The following ADCY5 variants were observed in gnomAD, a reference collection of about 807,000 sequenced individuals.
ADCY5 encodes adenylate cyclase 5, also known as adenylate cyclase type 5.
Under a neutral mutation model 119.7 loss-of-function variants are expected in ADCY5, and 30 were observed. That is an observed-to-expected ratio of 0.25 (90% CI 0.19 to 0.34). ADCY5 has a LOEUF of 0.34. ADCY5 is among the 10% of genes least tolerant of loss of function. The pLI is 1.00. For synonymous variants in ADCY5, 753 were observed against 762.2 expected (o/e 0.99, Z 0.20); for missense variants, 1,324 against 1,775.2 (o/e 0.75, Z 4.57).
intron 2 of ADCY5, 44 bp from the exon 3 acceptor site, chr3:123,347,947 G>A: frequency 6.2e-7 from 1 of 1,610,452 alleles, no homozygotes; most frequent in African/African-American, 1.3e-5. Context: ...CCTTCTACCT[G>A]CCTGGCAAGT....
At chr3:123,288,144 C>A (rs1211618751) in intron 19 of ADCY5, among the ~76,000 whole-genome samples, 2 of 152,234 alleles carry the variant, frequency 1.3e-5, no homozygotes, top group African/African-American at 2.4e-5. Flanking sequence ...GCCCACAAAG[C>A]ACTGTGCCTA....
At chr3:123,353,346 C>CA (rs1400084713) in intron 1 of ADCY5, among the ~76,000 whole-genome samples, 1 of 152,198 alleles carries the variant, frequency 6.6e-6, no homozygotes, top group East Asian at 1.9e-4. Context: ...CACAATACAA[C>CA]ACGACACGGA....
intron 3 of ADCY5, among the ~76,000 whole-genome samples, chr3:123,335,922 G>T (rs1166477197): frequency 6.6e-6 from 1 of 152,208 alleles, no homozygotes; most frequent in Non-Finnish European, 1.5e-5. Flanking sequence ...GAGAAATGGG[G>T]ACAGGGACAA....
At chr3:123,393,214 G>C (rs888312686) in intron 1 of ADCY5, among the ~76,000 whole-genome samples, 3 of 152,098 alleles carry the variant, frequency 2.0e-5, no homozygotes, top group African/African-American at 7.2e-5. Context: ...CTGCAGCCTT[G>C]GGTTCATTAA....
chr3:123,372,981 C>A (rs777343104), intron 1 of ADCY5, among the ~76,000 whole-genome samples: 8 of 152,168 alleles, frequency 5.3e-5, no homozygotes. Context: ...GGCAGGGATA[C>A]TGCGAGAGGT....
Position 123,396,446 on chromosome 3 carries a change from G to A in ADCY5, c.1135-43865C>T, listed in dbSNP as rs573714333. Among the ~76,000 whole-genome samples, 5 of 125,768 alleles carry A rather than the reference G, an allele frequency of 4.0e-5. No individual in the cohort carries two copies. The East Asian group carries it at 9.6e-4, about 24-fold the overall frequency. The allele number at this position is 125,768 out of a possible 152,430, so 82.5% of individuals were successfully genotyped here. A position where few individuals can be genotyped will look rare whatever the true frequency, so the allele number is the denominator to read the frequency against. ...GGGAGGGAGGGAAAGAGAAAGGAAGGAAGGGAGGGAAGGAGACAAAGAAAG... is the reference window on the plus strand; with the variant it reads ...GGGAGGGAGGGAAAGAGAAAGGAAGAAAGGGAGGGAAGGAGACAAAGAAAG... On this transcript the variant is annotated intron_variant, in intron 1 of 20. Transcript: ENST00000462833.
chr3:123,417,583 G>C, intron 1 of ADCY5, among the ~76,000 whole-genome samples: 1 of 152,232 alleles, frequency 6.6e-6, no homozygotes, highest in Non-Finnish European at 1.5e-5. Flanking sequence ...TGTCACTCCT[G>C]GCATTGAAGT....
chr3:123,287,433 G>GC (rs1938853387), intron 19 of ADCY5, among the ~76,000 whole-genome samples: 2 of 152,086 alleles, frequency 1.3e-5, no homozygotes, highest in South Asian at 4.2e-4. Context: ...GCTAAATCCT[G>GC]CCCCCATGTA....
intron 1 of ADCY5, among the ~76,000 whole-genome samples, chr3:123,355,532 A>C (rs1053261794): frequency 2.6e-5 from 4 of 152,130 alleles, no homozygotes; most frequent in Non-Finnish European, 5.9e-5. Context: ...GCATCTGAGG[A>C]TTCTGATATC....
intron 20 of ADCY5, 113 bp from the exon 21 acceptor site, chr3:123,284,849 GGA>G: frequency 1.4e-6 from 2 of 1,423,598 alleles, no homozygotes; most frequent in South Asian, 1.2e-5. Context: ...TGACACAGAA[GGA>G]GAGGGGCAGC....
At chr3:123,396,777 G>GA (rs1362464794) in intron 1 of ADCY5, among the ~76,000 whole-genome samples, 1 of 93,648 alleles carries the variant, frequency 1.1e-5, no homozygotes, top group African/African-American at 4.1e-5. Flanking sequence ...AAGGAAGGAA[G>GA]GAAGGCAGGC....
intron 12 of ADCY5, among the ~76,000 whole-genome samples, chr3:123,307,149 G>A (rs189135228): frequency 7.0e-4 from 106 of 152,192 alleles, no homozygotes; most frequent in Non-Finnish European, 1.3e-3. Context: ...CAATGTTCTG[G>A]AATTAGCACC....
intron 3 of ADCY5, among the ~76,000 whole-genome samples, chr3:123,334,024 T>A (rs890734306): frequency 6.6e-6 from 1 of 152,132 alleles, no homozygotes; most frequent in Non-Finnish European, 1.5e-5. Context: ...TGGCTTGTGT[T>A]CCCTAAGTTG....
intron 1 of ADCY5, among the ~76,000 whole-genome samples, chr3:123,407,949 T>A (rs999598874): frequency 6.6e-6 from 1 of 151,660 alleles, no homozygotes; most frequent in Non-Finnish European, 1.5e-5. Context: ...TGGGTTTTCT[T>A]TGGGGCTGAC....
chr3:123,359,362 A>ATT (rs1943162735), intron 1 of ADCY5, among the ~76,000 whole-genome samples: 1 of 128,464 alleles, frequency 7.8e-6, no homozygotes. Context: ...ATATATATAT[A>ATT]TTCATTATTT....
chr3:123,369,439 G>T (rs550431473), intron 1 of ADCY5, among the ~76,000 whole-genome samples: 7 of 152,320 alleles, frequency 4.6e-5, no homozygotes, highest in Admixed American at 1.3e-4. Flanking sequence ...AGATGAGTGT[G>T]GTACTAACTG....
chr3:123,315,301 C>G (rs754262606), intron 11 of ADCY5, among the ~76,000 whole-genome samples: 1 of 152,182 alleles, frequency 6.6e-6, no homozygotes, highest in Non-Finnish European at 1.5e-5. Flanking sequence ...CTTCAACAAA[C>G]GGAACAAGGG....
At chr3:123,333,977 G>A (rs1941903106) in intron 3 of ADCY5, among the ~76,000 whole-genome samples, 1 of 152,168 alleles carries the variant, frequency 6.6e-6, no homozygotes, top group South Asian at 2.1e-4. Context: ...CAGTTCCTCA[G>A]TGCACCAGCT....
At chr3:123,321,677 G>A (rs777916262) in intron 8 of ADCY5, among the ~76,000 whole-genome samples, 2 of 152,178 alleles carry the variant, frequency 1.3e-5, no homozygotes, top group African/African-American at 2.4e-5. Flanking sequence ...AACAGAGTTC[G>A]GCAAACACTG....
Sources: allele counts gnomAD v4.1 joint callset (sites outside exome capture counted in the v4.1 genomes callset), GRCh38; gene constraint gnomAD v4.1.1; transcripts MANE v1.5; gene names NCBI Gene and HGNC (gene_info 2026-07-23, HGNC 2026-07-21).